PPP2R5E: variants seen among roughly 807,000 people sequenced by gnomAD.
PPP2R5E encodes the protein serine/threonine-protein phosphatase 2A 56 kDa regulatory subunit epsilon isoform.
A neutral mutation model predicts 65.3 loss-of-function variants in PPP2R5E; 4 were observed. The ratio of observed to expected loss-of-function variants is 0.06; its 90% CI spans 0.03 to 0.14. PPP2R5E has a LOEUF of 0.14. Among genes scored for constraint, PPP2R5E ranks in the 10% least tolerant of loss-of-function variants. The pLI is 1.00. For synonymous variants in PPP2R5E, 183 were observed against 187.4 expected (o/e 0.98, Z 0.19); for missense variants, 274 against 556.1 (o/e 0.49, Z 5.10).
chr14:63,401,408 GAA>G (rs1885745923), intron 5 of PPP2R5E, among the ~76,000 whole-genome samples: 1 of 152,192 alleles, frequency 6.6e-6, no homozygotes, highest in African/African-American at 2.4e-5. Flanking sequence ...TCAAAGAAAA[GAA>G]GTTAAGAAGC....
At chr14:63,419,460 T>C (rs377591914) in intron 4 of PPP2R5E, among the ~76,000 whole-genome samples, 21 of 152,182 alleles carry the variant, frequency 1.4e-4, no homozygotes, top group East Asian at 1.3e-3. Flanking sequence ...GACTATGACA[T>C]GAATGACCTA....
rs200719135 is a variant in PPP2R5E at position 63,485,196 on chromosome 14, TAAAAAAAAA to T, written c.158-31320_158-31312del. On this transcript the variant is annotated intron_variant, in intron 2 of 13. Transcript: ENST00000337537. ...AAGAACTGCTACTGCTATACTCATT[TAAAAAAAAA>T]AAAAAAAAAAACATACTGGCAACAA... Among the ~76,000 whole-genome samples, 3 of 126,386 alleles carry T rather than the reference TAAAAAAAAA, an allele frequency of 2.4e-5. No homozygotes were observed. In the Admixed American group the frequency reaches 2.4e-4, roughly 10 times the overall value. The allele number at this position is 126,386 out of a possible 152,430, so 82.9% of individuals were successfully genotyped here. A position where few individuals can be genotyped will look rare whatever the true frequency, so the allele number is the denominator to read the frequency against.
chr14:63,539,977 T>C (rs1893821108), intron 1 of PPP2R5E, among the ~76,000 whole-genome samples: 1 of 150,690 alleles, frequency 6.6e-6, no homozygotes, highest in South Asian at 2.1e-4. Flanking sequence ...TTACAAAAAT[T>C]AGCCGGGCAT....
At chr14:63,526,288 T>C (rs1342447745) in intron 2 of PPP2R5E, among the ~76,000 whole-genome samples, 1 of 152,214 alleles carries the variant, frequency 6.6e-6, no homozygotes, top group Admixed American at 6.5e-5. Flanking sequence ...GTGTGTGTGC[T>C]GGGGAATGGG....
chr14:63,427,099 T>C (rs945453833), intron 3 of PPP2R5E, among the ~76,000 whole-genome samples: 1 of 152,232 alleles, frequency 6.6e-6, no homozygotes, highest in Non-Finnish European at 1.5e-5. Flanking sequence ...AAATGGATTA[T>C]TAAATAGGGC....
chr14:63,388,274 G>A (rs1884798965), intron 11 of PPP2R5E, among the ~76,000 whole-genome samples: 1 of 151,992 alleles, frequency 6.6e-6, no homozygotes, highest in Admixed American at 6.6e-5. Context: ...CCGAGTAGTT[G>A]GGATTACAGG....
At chr14:63,415,025 A>G (rs1886620251) in intron 5 of PPP2R5E, 115 bp downstream of exon 5, 1 of 581,752 alleles carries the variant, frequency 1.7e-6, no homozygotes. Flanking sequence ...ATATATATAT[A>G]TATTTTGTGG....
intron 8 of PPP2R5E, among the ~76,000 whole-genome samples, chr14:63,392,974 T>A (rs935308871): frequency 2.0e-5 from 3 of 151,966 alleles, no homozygotes; most frequent in Non-Finnish European, 4.4e-5. Context: ...CAAGACAGGG[T>A]ATGCTTTTTA....
intron 2 of PPP2R5E, among the ~76,000 whole-genome samples, chr14:63,501,489 G>A (rs1218421241): frequency 6.6e-6 from 1 of 152,052 alleles, no homozygotes; most frequent in African/African-American, 2.4e-5. Flanking sequence ...CAAATCCAGA[G>A]ATACATACAT....
chr14:63,530,106 G>A (rs567529721), intron 2 of PPP2R5E, among the ~76,000 whole-genome samples: 5 of 151,622 alleles, frequency 3.3e-5, no homozygotes, highest in Admixed American at 1.3e-4. Flanking sequence ...CTCCAAAAAA[G>A]AATGCACATA....
At chr14:63,502,523 C>T (rs1453380298) in intron 2 of PPP2R5E, among the ~76,000 whole-genome samples, 1 of 151,860 alleles carries the variant, frequency 6.6e-6, no homozygotes, top group East Asian at 1.9e-4. Flanking sequence ...AAAAATTAGC[C>T]AGGCATGGTG....
intron 2 of PPP2R5E, among the ~76,000 whole-genome samples, chr14:63,520,859 C>CAAAAAAAAAAAAAAAAA (rs748146106): frequency 1.0e-4 from 6 of 58,524 alleles, no homozygotes; most frequent in East Asian, 1.5e-3. Context: ...ACTAAAAATA[C>CAAAAAAAAAAAAAAAAA]AAAAAAAAAA....
At chr14:63,496,432 A>G (rs8013884) in intron 2 of PPP2R5E, among the ~76,000 whole-genome samples, 9,682 of 144,076 alleles carry the variant, frequency 0.067, 440 homozygotes, top group African/African-American at 0.14. Flanking sequence ...CAACAGAGTA[A>G]GACTCTGTCT....
intron 13 of PPP2R5E, among the ~76,000 whole-genome samples, chr14:63,380,675 A>C (rs539718850): frequency 2.0e-5 from 3 of 152,210 alleles, no homozygotes; most frequent in East Asian, 1.9e-4. Context: ...AAACAAAAAA[A>C]AAAAAGTTGT....
chr14:63,425,191 T>G (rs1008646703), intron 3 of PPP2R5E, among the ~76,000 whole-genome samples: 4 of 152,252 alleles, frequency 2.6e-5, no homozygotes, highest in South Asian at 2.1e-4. Context: ...TGTGAGAATA[T>G]GCTTTTGCTA....
At chr14:63,416,761 A>G (rs1411612935) in intron 4 of PPP2R5E, among the ~76,000 whole-genome samples, 1 of 152,068 alleles carries the variant, frequency 6.6e-6, no homozygotes, top group Non-Finnish European at 1.5e-5. Context: ...GAAGAAAGCC[A>G]TTGTTTTATA....
chr14:63,517,500 T>C (rs1892713447), intron 2 of PPP2R5E, among the ~76,000 whole-genome samples: 1 of 152,214 alleles, frequency 6.6e-6, no homozygotes, highest in Non-Finnish European at 1.5e-5. Context: ...TTATTTATTT[T>C]GTTAGACCCT....
chr14:63,422,662 G>T (rs561638273), intron 3 of PPP2R5E, among the ~76,000 whole-genome samples: 3 of 148,426 alleles, frequency 2.0e-5, no homozygotes, highest in Admixed American at 1.4e-4. Flanking sequence ...GGAGGACGGA[G>T]CCTGCAGTAA....
At chr14:63,412,931 T>G (rs1382001210) in intron 5 of PPP2R5E, among the ~76,000 whole-genome samples, 2 of 152,192 alleles carry the variant, frequency 1.3e-5, no homozygotes, top group Non-Finnish European at 2.9e-5. Flanking sequence ...TGAAAGGTTA[T>G]GTCTGGGCTA....
Sources: allele counts gnomAD v4.1 joint callset (sites outside exome capture counted in the v4.1 genomes callset), GRCh38; gene constraint gnomAD v4.1.1; transcripts MANE v1.5; gene names NCBI Gene and HGNC (gene_info 2026-07-23, HGNC 2026-07-21).